Variants in SMIM23 observed in about 807,000 individuals in gnomAD.
SMIM23 encodes CTB-78H18.1.
In SMIM23, 10 loss-of-function variants were observed where a neutral mutation model predicts 12.8. The observed-to-expected ratio is 0.78, with a 90% CI of 0.48 to 1.32. The LOEUF is 1.32. SMIM23 is among the 40% of genes most tolerant of loss of function. The pLI is 0.00. For missense variants in SMIM23, 184 were observed against 198.2 expected (o/e 0.93, Z 0.43); for synonymous variants, 78 against 80.1 (o/e 0.97, Z 0.14).
upstream of SMIM23, among the ~76,000 whole-genome samples, chr5:171,780,736 GCCTTTGGAGGGC>G (rs1408538833): frequency 4.6e-5 from 7 of 152,216 alleles, 1 homozygote; most frequent in East Asian, 1.4e-3. Flanking sequence ...GATGCAAATG[GCCTTTGGAGGGC>G]CCTCAAGTGG....
At chr5:171,785,131 A>C (rs1486319002), upstream of SMIM23, among the ~76,000 whole-genome samples, 1 of 151,654 alleles carries the variant, frequency 6.6e-6, no homozygotes, top group Non-Finnish European at 1.5e-5. Context: ...TAAGTAAGCA[A>C]ACCTACACAA....
chr5:171,775,108 G>A, the SMIM23 span, among the ~76,000 whole-genome samples: 4 of 152,102 alleles, frequency 2.6e-5, no homozygotes, highest in Admixed American at 6.5e-5. Context: ...CCAGATGCTC[G>A]CCCTCCACCA....
upstream of SMIM23, among the ~76,000 whole-genome samples, chr5:171,778,150 G>A (rs139333907): frequency 4.2e-3 from 636 of 152,154 alleles, 4 homozygotes; most frequent in African/African-American, 0.015. Context: ...ACCCAAGGTC[G>A]GGAGTTCAAG....
At chr5:171,774,451 G>C in the SMIM23 span, 1 of 456,192 alleles carries the variant, frequency 2.2e-6, no homozygotes, top group Non-Finnish European at 4.4e-6. Flanking sequence ...ACAGCTCACC[G>C]TCGGACCTCT....
chr5:171,787,042 A>C (rs1428891895), intron 1 of SMIM23, among the ~76,000 whole-genome samples: 1 of 105,330 alleles, frequency 9.5e-6, no homozygotes, highest in Non-Finnish European at 1.8e-5. Flanking sequence ...TTTTTCTGAG[A>C]CGGAGCCTCG....
At chr5:171,787,117 T>A (rs1755834014) in intron 1 of SMIM23, among the ~76,000 whole-genome samples, 1 of 148,236 alleles carries the variant, frequency 6.7e-6, no homozygotes, top group Non-Finnish European at 1.5e-5. Flanking sequence ...CCTCCTGGGT[T>A]CAAGTGATTC....
chr5:171,787,093 C>A (rs903562143), intron 1 of SMIM23, among the ~76,000 whole-genome samples: 1 of 144,336 alleles, frequency 6.9e-6, no homozygotes, highest in Non-Finnish European at 1.5e-5. Context: ...GATCTTGGCT[C>A]ACTGCAACCT....
chr5:171,785,822 G>T lies in SMIM23; in HGVS notation c.-50G>T. On this transcript the variant is annotated 5_prime_UTR_variant, in exon 1 of 4. Transcript: ENST00000523047. ...ACCACAGGTGGGGGAGGGGAAGGGT[G>T]CCCTTCTGTCTGTTGAGTGTGGTCC... The T allele has an allele frequency of 7.0e-7, 1 of 1,429,672 alleles. No individual in the cohort carries two copies. Among genetic ancestry groups the T allele is most frequent in the Non-Finnish European group, 9.5e-7 (1 of 1,049,918 alleles). The allele number at this position is 1,429,672 out of a possible 1,614,324, so 88.6% of individuals were successfully genotyped here.
chr5:171,787,394 G>A (rs1755838622), intron 1 of SMIM23, among the ~76,000 whole-genome samples: 1 of 152,098 alleles, frequency 6.6e-6, no homozygotes, highest in Non-Finnish European at 1.5e-5. Flanking sequence ...ATTTGGCTCA[G>A]GCCCCAAGAC....
At chr5:171,784,431 G>A (rs982456328), upstream of SMIM23, among the ~76,000 whole-genome samples, 4 of 152,114 alleles carry the variant, frequency 2.6e-5, no homozygotes, top group Non-Finnish European at 4.4e-5. Flanking sequence ...CGTGAACCCG[G>A]GAGGCAGAGC....
chr5:171,779,686 C>T (rs1421600561), upstream of SMIM23, among the ~76,000 whole-genome samples: 2 of 152,122 alleles, frequency 1.3e-5, no homozygotes, highest in Non-Finnish European at 2.9e-5. Flanking sequence ...AAACTCTTTG[C>T]AATCTTACAT....
chr5:171,773,821 G>A, the SMIM23 span: 23 of 456,240 alleles, frequency 5.0e-5, no homozygotes, highest in Non-Finnish European at 7.9e-5. Flanking sequence ...AATCTAGATT[G>A]TATGAGAAAG....
At chr5:171,778,987 A>AGCCATAGGGGCTTCTGTGGCTC (rs1755684188), upstream of SMIM23, among the ~76,000 whole-genome samples, 1 of 152,158 alleles carries the variant, frequency 6.6e-6, no homozygotes, top group African/African-American at 2.4e-5. Flanking sequence ...AATTTTAGTT[A>AGCCATAGGGGCTTCTGTGGCTC]GCCATAGGGG....
At chr5:171,773,742 G>A in the SMIM23 span, 1 of 455,480 alleles carries the variant, frequency 2.2e-6, no homozygotes, top group African/African-American at 2.0e-5. Flanking sequence ...CCCAGCTTCA[G>A]GCAAGTGTTG....
intron 3 of SMIM23, 52 bp downstream of exon 3, chr5:171,790,601 GAGGAGGTGTC>G: frequency 6.6e-7 from 1 of 1,507,062 alleles, no homozygotes; most frequent in Non-Finnish European, 8.9e-7. Flanking sequence ...AGGCTTTCCA[GAGGAGGTGTC>G]ATTGGCAACA....
At chr5:171,786,093 TC>T in intron 1 of SMIM23, 117 bp downstream of exon 1, 1 of 811,066 alleles carries the variant, frequency 1.2e-6, no homozygotes, top group Non-Finnish European at 2.0e-6. Context: ...CGTCCCTGGA[TC>T]CCACTCTGAT....
Position 171,786,900 on chromosome 5 carries a change from A to G in SMIM23, c.105+924A>G, listed in dbSNP as rs980103733. On this transcript the variant is annotated intron_variant, in intron 1 of 3. Coordinates refer to ENST00000523047, the MANE Select transcript of SMIM23 (RefSeq NM_001289970.2). ...CCCCTCCTGAAGACTGACGCTGCTCATTCACGTAAGGAAGGCTCTGAGAAG... is the reference window on the plus strand; with the variant it reads ...CCCCTCCTGAAGACTGACGCTGCTCGTTCACGTAAGGAAGGCTCTGAGAAG... 3.3e-5 allele frequency among the ~76,000 whole-genome samples: 5 copies of G among 150,754 alleles called. No individual in the cohort carries two copies. The East Asian group carries it at 9.8e-4, about 30-fold the overall frequency.
At chr5:171,778,478 CACACACACACACACAGAT>C (rs1243196540), upstream of SMIM23, among the ~76,000 whole-genome samples, 2 of 148,714 alleles carry the variant, frequency 1.3e-5, no homozygotes, top group African/African-American at 2.5e-5. Context: ...CACACACACA[CACACACACACACACAGAT>C]AGAGACAGAG....
In SMIM23 at chr5:171,791,074, G is replaced by A. The variant is rs779093137; in HGVS notation, c.505G>A (p.Gly169Arg). 31 of 1,502,512 alleles carry A rather than the reference G, an allele frequency of 2.1e-5. No homozygotes were observed. The highest frequency in any genetic ancestry group is 1.3e-4 in the African/African-American group (9 of 71,740). 93.1% of individuals were successfully genotyped at this position (1,502,512 alleles called of 1,614,324 possible). The change falls in exon 4 of 4, where the codon GGG becomes AGG. Residue 169 changes from glycine to arginine, a missense_variant. Physicochemically the swap from Gly to Arg is moderately radical, Grantham distance 125 (BLOSUM62 -2). Transcript: ENST00000523047. ...GEGLLEISLS[G>R]AEL The stretch of plus-strand genomic sequence containing the variant: ...GGGGTTGCTAGAGATTTCTCTAAGC[G>A]GGGCAGAGCTCTGACTCTTGAAGTT...
Sources: allele counts gnomAD v4.1 joint callset (sites outside exome capture counted in the v4.1 genomes callset), GRCh38; gene constraint gnomAD v4.1.1; transcripts MANE v1.5; gene names NCBI Gene and HGNC (gene_info 2026-07-23, HGNC 2026-07-21).